Variants in IP6K2 observed in about 807,000 individuals in gnomAD.
IP6K2 encodes ATP:1D-myo-inositol-hexakisphosphate phosphotransferase.
In IP6K2, 9 loss-of-function variants were observed where a neutral mutation model predicts 43.3. The ratio of observed to expected loss-of-function variants is 0.21; its 90% CI spans 0.13 to 0.36. The LOEUF is 0.36. IP6K2 is among the 10% of genes least tolerant of loss of function. The pLI, the probability that IP6K2 is intolerant of heterozygous loss-of-function variation, is 1.00. For synonymous variants in IP6K2, 209 were observed against 202.4 expected (o/e 1.03, Z -0.28); for missense variants, 332 against 538.4 (o/e 0.62, Z 3.79).
In IP6K2 at chr3:48,700,657, T is replaced by C. The variant is rs149188558; in HGVS notation, c.-130-5236A>G. On this transcript the variant is annotated intron_variant, in intron 1 of 5. Transcript: ENST00000328631. ...TCTGTTGGAAACAATGCCTTAATAT[T>C]CTTAACTTTTAAAGTAATGCAAATA... 2.5e-3 allele frequency among the ~76,000 whole-genome samples: 379 copies of C among 152,294 alleles called. 4 individuals are homozygous for C. The highest frequency in any genetic ancestry group is 0.02 in the Middle Eastern group (6 of 294).
chr3:48,694,778 A>AC, intron 2 of IP6K2: 1 of 1,532,928 alleles, frequency 6.5e-7, no homozygotes, highest in Non-Finnish European at 8.7e-7. Context: ...GTCTTCCCCC[A>AC]CCGTCCCCCC....
At chr3:48,707,516 C>T (rs182521957) in intron 1 of IP6K2, among the ~76,000 whole-genome samples, 208 of 152,334 alleles carry the variant, frequency 1.4e-3, no homozygotes, top group Non-Finnish European at 2.3e-3. Flanking sequence ...CTCACCACAA[C>T]CTCTGCCTCC....
intron 1 of IP6K2, among the ~76,000 whole-genome samples, chr3:48,700,969 G>A (rs2078956327): frequency 6.6e-6 from 1 of 152,168 alleles, no homozygotes; most frequent in Admixed American, 6.5e-5. Context: ...TACATTGCTG[G>A]TAGCAATGCA....
rs756274683 is a variant in IP6K2, at chr3:48,688,536, G to A, written c.1018C>T (p.Arg340Trp). The A allele has an allele frequency of 1.3e-5, 21 of 1,614,204 alleles. No homozygotes were observed. The East Asian group carries it at 2.2e-4, about 17-fold the overall frequency. ...SLLVIYDGKE[R>W]PEVVLDSDAE... is the part of the protein sequence containing the mutation. Reference sequence around the variant, plus strand: ...TCTGAGTCCAGGACCACTTCGGGCCGCTCCTTGCCATCATAAATGACCAGC... The same window carrying A: ...TCTGAGTCCAGGACCACTTCGGGCCACTCCTTGCCATCATAAATGACCAGC... The change falls in exon 6 of 6, where the codon CGG (arginine) becomes TGG (tryptophan). Residue 340 changes from arginine to tryptophan, a missense_variant. Arg to Trp is a moderately radical substitution (Grantham distance 101). Transcript: ENST00000328631. The surrounding 1 kb of genome is among the most constrained non-coding windows in gnomAD (Gnocchi z 5.1).
chr3:48,689,771 C>T (rs2077609262), intron 4 of IP6K2, 58 bp from the exon 5 acceptor site: 2 of 1,481,150 alleles, frequency 1.4e-6, no homozygotes, highest in Non-Finnish European at 1.9e-6. Flanking sequence ...GTCCTTGGCA[C>T]TCTCAAGGTA....
rs1312193518 is a variant in IP6K2, at chr3:48,715,595, T to C, written c.-131+1562A>G. On this transcript the variant is annotated intron_variant, in intron 1 of 5. Coordinates refer to ENST00000328631, the MANE Select transcript of IP6K2 (RefSeq NM_016291.4). ...TTCTAGATCTCCCAGGTCCCTGCCT[T>C]GCTCCCTCCCTACCCAGGCCCTGCA... is the stretch of plus-strand genomic sequence containing the variant. 19 of 852,488 alleles carry C rather than the reference T, an allele frequency of 2.2e-5. No individual in the cohort carries two copies. In the East Asian group the frequency reaches 4.5e-4, roughly 20 times the overall value. 52.8% of individuals were successfully genotyped at this position (852,488 alleles called of 1,614,324 possible).
chr3:48,702,860 T>G (rs1461592935), intron 1 of IP6K2, among the ~76,000 whole-genome samples: 2 of 152,176 alleles, frequency 1.3e-5, no homozygotes, highest in African/African-American at 4.8e-5. Context: ...CAGCATAAAG[T>G]AGGCACTCCA....
At chr3:48,692,074 C>T (rs2077849311) in intron 3 of IP6K2, among the ~76,000 whole-genome samples, 1 of 152,096 alleles carries the variant, frequency 6.6e-6, no homozygotes, top group Non-Finnish European at 1.5e-5. Flanking sequence ...CTCAGGTGAT[C>T]CGCCCGCCCT....
intron 1 of IP6K2, among the ~76,000 whole-genome samples, chr3:48,703,475 C>G (rs548589935): frequency 8.0e-5 from 12 of 149,560 alleles, no homozygotes; most frequent in African/African-American, 3.0e-4. Context: ...GAGGCCCAGG[C>G]GGGTGGATCA....
At chr3:48,712,639 C>A (rs1273685593) in intron 1 of IP6K2, among the ~76,000 whole-genome samples, 2 of 152,106 alleles carry the variant, frequency 1.3e-5, no homozygotes. Flanking sequence ...ACTTATGGCC[C>A]CAAGAGGTTG....
In IP6K2 at chr3:48,694,656, C is replaced by T. The variant is rs538015401; in HGVS notation, c.202+434G>A. 14 of 1,507,968 alleles carry T rather than the reference C, an allele frequency of 9.3e-6. No homozygotes were observed. In the South Asian group the frequency reaches 1.8e-4, roughly 20 times the overall value. The allele number at this position is 1,507,968 out of a possible 1,614,324, so 93.4% of individuals were successfully genotyped here. A position where few individuals can be genotyped will look rare whatever the true frequency, so the allele number is the denominator to read the frequency against. On this transcript the variant is annotated intron_variant, in intron 2 of 5. Transcript: ENST00000328631. ...GCTAATCAGCACAGGCCTCCCACTCCTGCATTCCATCTGACTCAACGCTGC... is the reference window on the plus strand; with the variant it reads ...GCTAATCAGCACAGGCCTCCCACTCTTGCATTCCATCTGACTCAACGCTGC...
intron 1 of IP6K2, among the ~76,000 whole-genome samples, chr3:48,700,430 A>G (rs949622132): frequency 1.3e-5 from 2 of 151,832 alleles, no homozygotes; most frequent in African/African-American, 4.8e-5. Flanking sequence ...AGCCCATGCA[A>G]TGTGTGGGCC....
chr3:48,716,391 G>GTTTT (rs1559580654), intron 1 of IP6K2: 1 of 152,170 alleles, frequency 6.6e-6, no homozygotes, highest in Non-Finnish European at 1.5e-5. Context: ...GTATTTAAGA[G>GTTTT]CACTGGATTT....
At chr3:48,700,709 T>C (rs1181596343) in intron 1 of IP6K2, among the ~76,000 whole-genome samples, 4 of 152,160 alleles carry the variant, frequency 2.6e-5, no homozygotes, top group Non-Finnish European at 1.5e-5. Flanking sequence ...TGAAAGCCCC[T>C]GGGTCCTTAG....
intron 1 of IP6K2, among the ~76,000 whole-genome samples, chr3:48,706,795 A>G (rs1044821239): frequency 2.0e-5 from 3 of 152,192 alleles, no homozygotes; most frequent in African/African-American, 7.2e-5. Flanking sequence ...AACCTGGGTG[A>G]CAAAATGAGA....
chr3:48,710,673 G>A (rs768188130), intron 1 of IP6K2, among the ~76,000 whole-genome samples: 17 of 151,938 alleles, frequency 1.1e-4, no homozygotes, highest in Non-Finnish European at 2.4e-4. Context: ...GCAGTGGCGG[G>A]ATCTCGGCTC....
intron 1 of IP6K2, among the ~76,000 whole-genome samples, chr3:48,701,572 A>T: frequency 6.8e-6 from 1 of 147,956 alleles, no homozygotes; most frequent in East Asian, 2.0e-4. Context: ...CGTCTCAAAA[A>T]AAAAAAAAAA....
chr3:48,715,696 A>G (rs1319306180), intron 1 of IP6K2, among the ~76,000 whole-genome samples: 2 of 147,650 alleles, frequency 1.4e-5, no homozygotes, highest in East Asian at 3.9e-4. Context: ...TATCCATTTC[A>G]TTTCTTTCTC....
At chr3:48,701,923 C>T (rs2079101650) in intron 1 of IP6K2, among the ~76,000 whole-genome samples, 2 of 151,172 alleles carry the variant, frequency 1.3e-5, no homozygotes, top group Non-Finnish European at 2.9e-5. Context: ...AAAAATAAAT[C>T]CTACTCATTG....
Sources: gnomAD v4.1 joint callset for allele counts (sites outside exome capture counted in the v4.1 genomes callset) on GRCh38, gnomAD v4.1.1 for gene constraint, Gnocchi (gnomAD v3.1) non-coding constraint, MANE v1.5 for transcripts, NCBI Gene and HGNC (gene_info 2026-07-23, HGNC 2026-07-21) for gene names.